Variants in VPS13B observed in about 807,000 individuals in gnomAD.
The protein encoded by VPS13B is intermembrane lipid transfer protein VPS13B.
Under a neutral mutation model 426.4 loss-of-function variants are expected in VPS13B, and 285 were observed. That is an observed-to-expected ratio of 0.67 (90% CI 0.61 to 0.74). The LOEUF is 0.74. Ranked by LOEUF, VPS13B falls within the 30% of genes least tolerant of loss-of-function variation. The pLI, the probability that VPS13B is intolerant of heterozygous loss-of-function variation, is 0.00. For missense variants in VPS13B, 4,537 were observed against 4,782.6 expected (o/e 0.95, Z 1.51); for synonymous variants, 1,676 against 1,676.4 (o/e 1.00, Z 0.01).
At chr8:99,533,902 T>C (rs947219419) in intron 30 of VPS13B, among the ~76,000 whole-genome samples, 1 of 152,178 alleles carries the variant, frequency 6.6e-6, no homozygotes, top group Non-Finnish European at 1.5e-5. Flanking sequence ...CACAAAACTG[T>C]TTCCTCCTTC....
At chr8:99,524,119 CTT>C (rs1476248803) in intron 30 of VPS13B, among the ~76,000 whole-genome samples, 3 of 151,980 alleles carry the variant, frequency 2.0e-5, no homozygotes, top group Non-Finnish European at 4.4e-5. Flanking sequence ...ATCAGAGTCT[CTT>C]AACAGCAAAA....
intron 7 of VPS13B, chr8:99,120,457 C>T (rs1847883324): frequency 6.6e-6 from 1 of 151,936 alleles, no homozygotes; most frequent in Non-Finnish European, 1.5e-5. Flanking sequence ...TTTGTCTTTA[C>T]AAAGGTGGCA....
chr8:99,278,626 G>A (rs1819014906), intron 19 of VPS13B, among the ~76,000 whole-genome samples: 1 of 152,216 alleles, frequency 6.6e-6, no homozygotes, highest in African/African-American at 2.4e-5. Flanking sequence ...TTCCCACCAT[G>A]TTGGGTGTTG....
intron 2 of VPS13B, among the ~76,000 whole-genome samples, chr8:99,021,774 G>A (rs112566197): frequency 1.6e-3 from 243 of 152,134 alleles, no homozygotes; most frequent in African/African-American, 5.0e-3. Flanking sequence ...CACCATGCCC[G>A]AATAATTTTT....
At chr8:99,235,914 T>C (rs995114812) in intron 17 of VPS13B, among the ~76,000 whole-genome samples, 1 of 152,212 alleles carries the variant, frequency 6.6e-6, no homozygotes, top group African/African-American at 2.4e-5. Context: ...TTTATTTCAT[T>C]GTCAATAAAT....
intron 19 of VPS13B, among the ~76,000 whole-genome samples, chr8:99,367,363 C>T (rs2133252726): frequency 6.6e-6 from 1 of 152,280 alleles, no homozygotes; most frequent in South Asian, 2.1e-4. Flanking sequence ...AAGTCTGCTG[C>T]CAGACATATT....
rs117770750 is a variant in VPS13B, at chr8:99,604,997, G to A, written c.5220+27364G>A. ...TAACTCTCAAAAACATTTAAAAATC[G>A]GTTAATAGTACAGATTGCAACTGTA... On this transcript the variant is annotated intron_variant, in intron 33 of 61. Transcript: ENST00000357162. 4.9e-4 allele frequency among the ~76,000 whole-genome samples: 75 copies of A among 152,210 alleles called. No homozygotes were observed. The East Asian group carries it at 0.011, about 23-fold the overall frequency.
chr8:99,275,226 A>G lies in VPS13B; in HGVS notation c.2796A>G (p.Pro932=), dbSNP rs1563641645. The G allele has an allele frequency of 2.5e-6, 4 of 1,611,766 alleles. No homozygotes were observed. Among genetic ancestry groups the G allele is most frequent in the African/African-American group, 1.3e-5 (1 of 74,614 alleles). Residue 932 remains proline (P), a synonymous_variant, in exon 19 of 62, where the codon CCA becomes CCG. Transcript: ENST00000357162. ...PDLMAFTIQV[P]QYIDYCHNSG... is the part of the protein sequence containing the mutation. Reference sequence around the variant, plus strand: ...TGATGGCCTTCACAATCCAAGTTCCACAATATATTGACTACTGCCACAATT... The same window carrying G: ...TGATGGCCTTCACAATCCAAGTTCCGCAATATATTGACTACTGCCACAATT...
At chr8:99,595,200 G>A (rs1350108136) in intron 33 of VPS13B, among the ~76,000 whole-genome samples, 2 of 151,800 alleles carry the variant, frequency 1.3e-5, no homozygotes, top group Non-Finnish European at 2.9e-5. Flanking sequence ...GATGAAAAAT[G>A]TTAAACTTTC....
chr8:99,423,287 C>G (rs1267969276), intron 21 of VPS13B, among the ~76,000 whole-genome samples: 2 of 151,252 alleles, frequency 1.3e-5, no homozygotes, highest in African/African-American at 2.4e-5. Context: ...GAAACAGTCT[C>G]ACTCTGTTGC....
intron 33 of VPS13B, among the ~76,000 whole-genome samples, chr8:99,610,943 A>C (rs761647574): frequency 6.6e-6 from 1 of 152,224 alleles, no homozygotes; most frequent in Non-Finnish European, 1.5e-5. Flanking sequence ...GCAAGGCTTA[A>C]TTTGTCTGTC....
At position 99,135,870 on chromosome 8, in the gene VPS13B, T is replaced by C. The variant is rs753291451; in HGVS notation, c.1563+137T>C. On this transcript the variant is annotated intron_variant, in intron 11 of 61. Transcript: ENST00000357162. ...TGTTTATTAAAACATTTAGAATGCA[T>C]TTATACAGTATACATGTAGAAATGT... 308 of 1,195,766 alleles carry C rather than the reference T, an allele frequency of 2.6e-4. 1 individual carries two copies. The highest frequency in any genetic ancestry group is 3.9e-4 in the Admixed American group (19 of 48,676). The allele number at this position is 1,195,766 out of a possible 1,614,324, so 74.1% of individuals were successfully genotyped here. A position where few individuals can be genotyped will look rare whatever the true frequency, so the allele number is the denominator to read the frequency against.
intron 59 of VPS13B, 23 bp downstream of exon 59, chr8:99,868,488 A>G (rs1817216373): frequency 6.3e-7 from 1 of 1,592,376 alleles, no homozygotes; most frequent in South Asian, 1.1e-5. Flanking sequence ...AAAACCCATC[A>G]GGCCAACCCA....
Position 99,832,429 on chromosome 8 carries a change from A to G in VPS13B, c.9391A>G (p.Met3131Val), listed in dbSNP as rs1241294111. 4 of 1,575,406 alleles carry G rather than the reference A, an allele frequency of 2.5e-6. No homozygotes were observed. Among genetic ancestry groups the G allele is most frequent in the Non-Finnish European group, 3.4e-6 (4 of 1,165,890 alleles). The change falls in exon 52 of 62, where the codon ATG becomes GTG. Residue 3131 changes from methionine to valine, a missense_variant. This residue lies in a region of VPS13B where 4,311 missense variants were observed against 4,474.3 expected (regional missense o/e 0.96). Coordinates refer to ENST00000357162, the MANE Select transcript of VPS13B (RefSeq NM_152564.5). ...SICPGGEQPAMKSSSLPCWDL... is the reference protein window; with the variant it reads ...SICPGGEQPAVKSSSLPCWDL... ...TTGCCCAGGTGGAGAGCAGCCTGCTATGAAATCCAGCTCCCTTCCTTGCTG... is the reference window on the plus strand; with the variant it reads ...TTGCCCAGGTGGAGAGCAGCCTGCTGTGAAATCCAGCTCCCTTCCTTGCTG...
At chr8:99,135,235 A>G in intron 10 of VPS13B, 98 bp downstream of exon 10, 1 of 1,503,758 alleles carries the variant, frequency 6.7e-7, no homozygotes, top group Non-Finnish European at 9.1e-7. Context: ...GACTATATAT[A>G]TCTCAGGCTT....
chr8:99,354,713 C>A (rs1812085986), intron 19 of VPS13B, among the ~76,000 whole-genome samples: 3 of 151,994 alleles, frequency 2.0e-5, no homozygotes, highest in Non-Finnish European at 2.9e-5. Flanking sequence ...GGCCAAGGCT[C>A]AATAGTGTTT....
At chr8:99,189,150 C>T (rs1813401188) in intron 16 of VPS13B, among the ~76,000 whole-genome samples, 1 of 152,196 alleles carries the variant, frequency 6.6e-6, no homozygotes, top group South Asian at 2.1e-4. Flanking sequence ...GGGGTTTCAC[C>T]GTGTTAGCCA....
intron 17 of VPS13B, among the ~76,000 whole-genome samples, 157 bp downstream of exon 17, chr8:99,193,214 A>G (rs376079288): frequency 1.8e-4 from 27 of 152,328 alleles, no homozygotes; most frequent in Middle Eastern, 3.4e-3. Flanking sequence ...AATCCAGATT[A>G]TGAGTTAAGC....
At chr8:99,617,529 G>T (rs1243003855) in intron 33 of VPS13B, among the ~76,000 whole-genome samples, 1 of 152,106 alleles carries the variant, frequency 6.6e-6, no homozygotes, top group Non-Finnish European at 1.5e-5. Context: ...GTTTCACCAG[G>T]TTGGCCAGGC....
Sources: allele counts gnomAD v4.1 joint callset (sites outside exome capture counted in the v4.1 genomes callset), GRCh38; gene constraint gnomAD v4.1.1; regional missense constraint gnomAD v4.1.1; transcripts MANE v1.5; gene names NCBI Gene and HGNC (gene_info 2026-07-23, HGNC 2026-07-21).